The following ABLIM2 variants were observed in gnomAD, a reference collection of about 807,000 sequenced individuals.
The protein encoded by ABLIM2 is actin-binding LIM protein 2.
A neutral mutation model predicts 97.7 loss-of-function variants in ABLIM2; 53 were observed. That is an observed-to-expected ratio of 0.54 (90% CI 0.44 to 0.68). ABLIM2 has a LOEUF of 0.68. ABLIM2 is among the 30% of genes least tolerant of loss of function. The pLI is 0.00. For synonymous variants in ABLIM2, 361 were observed against 345.8 expected (o/e 1.04, Z -0.49); for missense variants, 835 against 867.2 (o/e 0.96, Z 0.47).
chr4:8,060,868 T>C lies in ABLIM2; in HGVS notation c.763+99A>G. ...CTGGGCTGCTCGTGACCTAGCGAGA[T>C]GACACTGTCACCAACCTGTTCACAC... On this transcript the variant is annotated intron_variant, in intron 7 of 20. Coordinates refer to ENST00000447017, the MANE Select transcript of ABLIM2 (RefSeq NM_001130083.2). 4.7e-6 allele frequency: 5 copies of C among 1,058,328 alleles called. No homozygotes were observed. In the South Asian group the frequency reaches 5.8e-5, roughly 12 times the overall value. The allele number at this position is 1,058,328 out of a possible 1,614,324, so 65.6% of individuals were successfully genotyped here. A position where few individuals can be genotyped will look rare whatever the true frequency, so the allele number is the denominator to read the frequency against.
At position 8,021,329 on chromosome 4, in the gene ABLIM2, C is replaced by T. The variant is rs1773564091; in HGVS notation, c.1268-1026G>A. On this transcript the variant is annotated intron_variant, in intron 12 of 20. Transcript: ENST00000447017. This position sits in a 1 kb window ranked among gnomAD's most constrained non-coding sequence, Gnocchi z 5.5. ...CTGGGTGACGCCCCTCCCCCCACAC[C>T]TGTTTGGGGAATGAGGTGACAGACA... Among the ~76,000 whole-genome samples the T allele has an allele frequency of 6.6e-6, 1 of 152,168 alleles. No homozygotes were observed. The highest frequency in any genetic ancestry group is 1.9e-4 in the East Asian group (1 of 5,192).
intron 20 of ABLIM2, among the ~76,000 whole-genome samples, chr4:7,974,496 C>T (rs1365053764): frequency 2.7e-5 from 4 of 149,698 alleles, no homozygotes; most frequent in East Asian, 4.1e-4. Flanking sequence ...TGTATCTATC[C>T]ACCCATTAAT....
chr4:8,139,962 TAGAA>T (rs1850719677), intron 1 of ABLIM2, among the ~76,000 whole-genome samples: 1 of 151,954 alleles, frequency 6.6e-6, no homozygotes, highest in African/African-American at 2.4e-5. Context: ...AGGACATGGA[TAGAA>T]CTGGAAGCCA....
chr4:8,158,596 G>A, intron 1 of ABLIM2, 84 bp downstream of exon 1: 1 of 1,462,720 alleles, frequency 6.8e-7, no homozygotes, highest in Admixed American at 2.2e-5. Context: ...GGCGTTGCAG[G>A]TGCAGCCTCC....
intron 8 of ABLIM2, among the ~76,000 whole-genome samples, chr4:8,047,369 CCTCCTCCTCCTCCTCCTCTTT>C (rs1290342915): frequency 1.3e-5 from 2 of 151,260 alleles, no homozygotes; most frequent in Admixed American, 1.3e-4. Context: ...TCCTCCTCCT[CCTCCTCCTCCTCCTCCTCTTT>C]CTCCTCCTCC....
intron 1 of ABLIM2, among the ~76,000 whole-genome samples, chr4:8,141,906 C>G (rs1009391530): frequency 2.0e-5 from 3 of 152,254 alleles, no homozygotes; most frequent in African/African-American, 4.8e-5. Flanking sequence ...TACATGCACC[C>G]TGGATCTGAG....
At chr4:8,027,690 C>A in intron 12 of ABLIM2, 69 bp downstream of exon 12, 1 of 1,272,220 alleles carries the variant, frequency 7.9e-7, no homozygotes, top group Non-Finnish European at 1.1e-6. Flanking sequence ...CAGACATGGA[C>A]AGCGAGCACA....
intron 17 of ABLIM2, chr4:7,989,485 T>C: frequency 1.0e-6 from 1 of 954,698 alleles, no homozygotes; most frequent in Non-Finnish European, 1.2e-6. Flanking sequence ...AGTTGATGAA[T>C]GCTATAACTG....
At chr4:8,094,706 T>C (rs914045932) in intron 3 of ABLIM2, among the ~76,000 whole-genome samples, 1 of 152,208 alleles carries the variant, frequency 6.6e-6, no homozygotes, top group African/African-American at 2.4e-5. Flanking sequence ...GTTTTACTTC[T>C]TCTTTCTTTG....
At position 8,124,647 on chromosome 4, in the gene ABLIM2, C is replaced by A. The variant is rs986722886; in HGVS notation, c.11-18010G>T. On this transcript the variant is annotated intron_variant, in intron 1 of 20. Coordinates refer to ENST00000447017, the MANE Select transcript of ABLIM2 (RefSeq NM_001130083.2). The surrounding 1 kb of genome is among the most constrained non-coding windows in gnomAD (Gnocchi z 6.1). ...TACAGACAGACCCTATTTGGCTCAT[C>A]CATTAGTCAGTGGATGAACTTTGGG... Among the ~76,000 whole-genome samples, 2 of 152,280 alleles carry A rather than the reference C, an allele frequency of 1.3e-5. No individual in the cohort carries two copies. The highest frequency in any genetic ancestry group is 4.1e-4 in the South Asian group (2 of 4,828).
intron 1 of ABLIM2, among the ~76,000 whole-genome samples, chr4:8,153,426 G>C (rs1299251424): frequency 6.6e-6 from 1 of 152,152 alleles, no homozygotes; most frequent in Non-Finnish European, 1.5e-5. Flanking sequence ...CGGAAGAACA[G>C]GGCAGAGCTT....
Position 8,019,109 on chromosome 4 carries a change from G to A in ABLIM2, c.1423+509C>T, listed in dbSNP as rs1043453242. Reference sequence around the variant, plus strand: ...CAGAGCTGGGCGTCAGCTCCTATTTGCTTATGCAAGAAATCTCCGTAACGG... The same window carrying A: ...CAGAGCTGGGCGTCAGCTCCTATTTACTTATGCAAGAAATCTCCGTAACGG... On this transcript the variant is annotated intron_variant, in intron 14 of 20. Coordinates refer to ENST00000447017, the MANE Select transcript of ABLIM2 (RefSeq NM_001130083.2). This position sits in a 1 kb window ranked among gnomAD's most constrained non-coding sequence, Gnocchi z 4.3. 5.9e-5 allele frequency among the ~76,000 whole-genome samples: 9 copies of A among 152,180 alleles called. No individual in the cohort carries two copies. The highest frequency in any genetic ancestry group is 1.2e-4 in the Non-Finnish European group (8 of 68,040).
chr4:8,043,025 CCTGTAGT>C lies in ABLIM2; in HGVS notation c.900+2132_900+2138del, dbSNP rs1320618731. Among the ~76,000 whole-genome samples, 1 of 151,864 alleles carries C rather than the reference CCTGTAGT, an allele frequency of 6.6e-6. No homozygotes were observed. Among genetic ancestry groups the C allele is most frequent in the Non-Finnish European group, 1.5e-5 (1 of 67,966 alleles). On this transcript the variant is annotated intron_variant, in intron 9 of 20. Coordinates refer to ENST00000447017, the MANE Select transcript of ABLIM2 (RefSeq NM_001130083.2). This position sits in a 1 kb window ranked among gnomAD's most constrained non-coding sequence, Gnocchi z 4.8. ...AATTAGCCAGGTGTGATGGTGCATGCCTGTAGTCCCAGCTACTCGGGATGCTGAGGTG... is the reference window on the plus strand; with the variant it reads ...AATTAGCCAGGTGTGATGGTGCATGCCCCAGCTACTCGGGATGCTGAGGTG...
chr4:7,983,592 A>G lies in ABLIM2; in HGVS notation c.1736-38T>C, dbSNP rs775163452. ...GAGAGCGGAGACCACGAAATGGTTT[A>G]GAAAGTGCAAGATGTCGTCCAAGGT... On this transcript the variant is annotated intron_variant, in intron 18 of 20. Coordinates refer to ENST00000447017, the MANE Select transcript of ABLIM2 (RefSeq NM_001130083.2). 5.0e-6 allele frequency: 8 copies of G among 1,610,084 alleles called. No homozygotes were observed. In the Admixed American group the frequency reaches 1.3e-4, roughly 27 times the overall value.
At chr4:7,990,650 C>T (rs1234911891) in intron 17 of ABLIM2, among the ~76,000 whole-genome samples, 4 of 152,184 alleles carry the variant, frequency 2.6e-5, no homozygotes, top group East Asian at 1.9e-4. Flanking sequence ...AATCAAGAAA[C>T]GGCCTAGGAA....
chr4:8,020,368 A>C, intron 12 of ABLIM2, 65 bp from the exon 13 acceptor site: 207 of 1,392,096 alleles, frequency 1.5e-4, no homozygotes, highest in Non-Finnish European at 1.9e-4. Context: ...AGAATATTTC[A>C]AGCATGAAAA....
chr4:8,053,580 A>G (rs1424187507), intron 8 of ABLIM2, among the ~76,000 whole-genome samples: 2 of 152,186 alleles, frequency 1.3e-5, no homozygotes, highest in African/African-American at 4.8e-5. Flanking sequence ...TTTCACAGCC[A>G]TTGGAGTTCA....
Position 8,071,696 on chromosome 4 carries a change from CACCCA to C in ABLIM2, c.675+5927_675+5931del. ...CCTGACTGCTCTGTCCCCAAAAACC[CACCCA>C]CCCGCAGCCCCTCCTGGCCCCTGTG... On this transcript the variant is annotated intron_variant, in intron 6 of 20. Transcript: ENST00000447017. The surrounding 1 kb of genome is among the most constrained non-coding windows in gnomAD (Gnocchi z 6.2). 8.9e-6 allele frequency: 7 copies of C among 784,448 alleles called. No homozygotes were observed. The highest frequency in any genetic ancestry group is 1.1e-5 in the Non-Finnish European group (7 of 646,158). The allele number at this position is 784,448 out of a possible 1,614,324, so 48.6% of individuals were successfully genotyped here.
Position 8,120,054 on chromosome 4 carries a change from C to T in ABLIM2, c.11-13417G>A, listed in dbSNP as rs1844614044. ...CTTGGCCACAAATAGGCTCTGTTCA[C>T]AGAGCGACAGGCACAGACGTCGGGC... On this transcript the variant is annotated intron_variant, in intron 1 of 20. Coordinates refer to ENST00000447017, the MANE Select transcript of ABLIM2 (RefSeq NM_001130083.2). The surrounding 1 kb of genome is among the most constrained non-coding windows in gnomAD (Gnocchi z 5.6). 6.6e-6 allele frequency among the ~76,000 whole-genome samples: 1 copy of T among 152,168 alleles called. No individual in the cohort carries two copies. The highest frequency in any genetic ancestry group is 2.4e-5 in the African/African-American group (1 of 41,434).
Sources: gnomAD v4.1 joint callset for allele counts (sites outside exome capture counted in the v4.1 genomes callset) on GRCh38, gnomAD v4.1.1 for gene constraint, Gnocchi (gnomAD v3.1) non-coding constraint, MANE v1.5 for transcripts, NCBI Gene and HGNC (gene_info 2026-07-23, HGNC 2026-07-21) for gene names.